Variants in PGM1 observed in about 807,000 individuals in gnomAD.
PGM1 encodes phosphoglucomutase 1.
A neutral mutation model predicts 55.6 loss-of-function variants in PGM1; 52 were observed. That is an observed-to-expected ratio of 0.94 (90% CI 0.75 to 1.18). PGM1 has a LOEUF of 1.18. PGM1 is among the 50% of genes most tolerant of loss of function. The pLI, the probability that PGM1 is intolerant of heterozygous loss-of-function variation, is 0.00. For synonymous variants in PGM1, 287 were observed against 271.7 expected, an observed-to-expected ratio of 1.06 and a Z score of -0.55; for missense variants, 724 against 729.3, an observed-to-expected ratio of 0.99 and a Z score of 0.08.
At chr1:63,594,224 C>T (rs1180196427) in intron 1 of PGM1, 13 of 770,994 alleles carry the variant, frequency 1.7e-5, no homozygotes, top group African/African-American at 3.8e-5. Context: ...ACTGGCGCTT[C>T]CCGCTGGCTC....
chr1:63,616,881 A>C (rs140139488), intron 1 of PGM1, among the ~76,000 whole-genome samples: 45 of 152,340 alleles, frequency 3.0e-4, no homozygotes, highest in African/African-American at 1.0e-3. Flanking sequence ...ACTAAAATGC[A>C]CATAGCCAAT....
At position 63,659,657 on chromosome 1, in the gene PGM1, A is replaced by T; in HGVS notation, c.1671A>T (p.Ala557=). 2 of 1,613,718 alleles carry T rather than the reference A, an allele frequency of 1.2e-6. No individual in the cohort carries two copies. Among genetic ancestry groups the T allele is most frequent in the South Asian group, 2.2e-5 (2 of 91,074 alleles). ...SQLQERTGRT[A]PTVIT is the part of the protein sequence containing the mutation. ...TGCAGGAGAGGACGGGACGCACTGC[A>T]CCCACTGTCATCACCTAAGAAGACA... Residue 557 remains alanine (A), a synonymous_variant, in exon 11 of 11, where the codon GCA becomes GCT. Coordinates refer to ENST00000371084, the MANE Select transcript of PGM1 (RefSeq NM_002633.3).
rs766599530 is a variant in PGM1 at position 63,657,258 on chromosome 1, C to T, written c.1600-2328C>T. On this transcript the variant is annotated intron_variant, in intron 10 of 10. Transcript: ENST00000371084. ...TGGTTTTGAGCAAAGTTAAAGAGAT[C>T]TTGTTTTAAATTCTATTCCTGCCAC... 7.5e-4 allele frequency among the ~76,000 whole-genome samples: 114 copies of T among 152,176 alleles called. 2 individuals are homozygous for T. Among genetic ancestry groups the T allele is most frequent in the Admixed American group, 4.2e-3 (64 of 15,282 alleles).
chr1:63,601,659 C>T (rs961392691), intron 1 of PGM1, among the ~76,000 whole-genome samples: 3 of 152,180 alleles, frequency 2.0e-5, no homozygotes, highest in African/African-American at 7.2e-5. Context: ...CTTTTCTCCC[C>T]TGGGGTCCTC....
intron 1 of PGM1, among the ~76,000 whole-genome samples, chr1:63,628,393 G>A (rs3819907): frequency 0.13 from 20,365 of 152,086 alleles, 1,389 homozygotes; most frequent in African/African-American, 0.17. Context: ...GTAGTGGAGT[G>A]GTTGACGGTT....
chr1:63,608,594 C>T (rs559688630), intron 1 of PGM1, among the ~76,000 whole-genome samples: 1 of 152,178 alleles, frequency 6.6e-6, no homozygotes, highest in Non-Finnish European at 1.5e-5. Context: ...TAGGTTATAC[C>T]ACCTCCATGG....
intron 6 of PGM1, 148 bp from the exon 7 acceptor site, chr1:63,638,537 T>C (rs550876035): frequency 1.1e-5 from 8 of 720,904 alleles, no homozygotes; most frequent in African/African-American, 3.5e-5. Context: ...GTTTCTCTTA[T>C]GATTTTCCAC....
chr1:63,638,721 C>T lies in PGM1; in HGVS notation c.1065C>T (p.Thr355=), dbSNP rs773677629. 32 of 1,613,830 alleles carry T rather than the reference C, an allele frequency of 2.0e-5. No homozygotes were observed. Among genetic ancestry groups the T allele is most frequent in the Non-Finnish European group, 2.5e-5 (30 of 1,179,916 alleles). Residue 355 remains threonine (T), a synonymous_variant, in exon 7 of 11, where the codon ACC becomes ACT. Transcript: ENST00000371084. ...ASATKIALYE[T]PTGWKFFGNL... The stretch of plus-strand genomic sequence containing the variant: ...CTACAAAGATTGCTTTGTATGAGAC[C>T]CCAACTGGCTGGAAGTTTTTTGGGA...
intron 10 of PGM1, among the ~76,000 whole-genome samples, chr1:63,658,039 C>A (rs1481412736): frequency 6.6e-6 from 1 of 152,230 alleles, no homozygotes; most frequent in Non-Finnish European, 1.5e-5. Flanking sequence ...GAGGTTCCCA[C>A]AATGCCCAGG....
rs1470469823 is a variant in PGM1 at position 63,593,735 on chromosome 1, G to A, written c.246+1G>A. The A allele has an allele frequency of 3.1e-6, 5 of 1,592,750 alleles. No individual in the cohort carries two copies. Among genetic ancestry groups the A allele is most frequent in the South Asian group, 1.1e-5 (1 of 88,948 alleles). On this transcript the variant is annotated splice_donor_variant, in intron 1 of 10. Transcript: ENST00000371084. LOFTEE classifies it high-confidence loss of function. ...CGCTCGCATCGCTGCCGCCAACGGG[G>A]TAAGGGATGCGCGGCCCCGCGCCGC...
At chr1:63,599,452 C>T (rs1204820123) in intron 1 of PGM1, among the ~76,000 whole-genome samples, 1 of 151,970 alleles carries the variant, frequency 6.6e-6, no homozygotes, top group Admixed American at 6.6e-5. Context: ...GCGTGAGCCA[C>T]CACACCCGGC....
intron 9 of PGM1, 108 bp from the exon 10 acceptor site, chr1:63,654,224 C>A: frequency 8.9e-7 from 1 of 1,119,412 alleles, no homozygotes; most frequent in Non-Finnish European, 1.4e-6. Context: ...TTTAACCCTC[C>A]AATGAACAAG....
intron 1 of PGM1, among the ~76,000 whole-genome samples, chr1:63,614,577 G>A (rs949998070): frequency 6.6e-6 from 1 of 152,196 alleles, no homozygotes; most frequent in Admixed American, 6.5e-5. Flanking sequence ...TAGCATGATA[G>A]TTACATGTCT....
chr1:63,605,623 G>A (rs1254726408), intron 1 of PGM1, among the ~76,000 whole-genome samples: 1 of 151,794 alleles, frequency 6.6e-6, no homozygotes, highest in Non-Finnish European at 1.5e-5. Context: ...TGCCATCCAG[G>A]CTGAGTGCAG....
rs1649138560 is a variant in PGM1, at chr1:63,629,600, T to C, written c.409+13T>C. 1 of 1,612,432 alleles carries C rather than the reference T, an allele frequency of 6.2e-7. No individual in the cohort carries two copies. The highest frequency in any genetic ancestry group is 1.7e-5 in the Admixed American group (1 of 59,996). ...ATTTCTAATGGAGGTGAGTTTGCTG[T>C]CATTTTGAGGACAGGTAAGTTTACA... On this transcript the variant is annotated intron_variant, in intron 2 of 10. Coordinates refer to ENST00000371084, the MANE Select transcript of PGM1 (RefSeq NM_002633.3).
chr1:63,614,016 T>G (rs1648643247), intron 1 of PGM1, among the ~76,000 whole-genome samples: 2 of 152,226 alleles, frequency 1.3e-5, no homozygotes, highest in African/African-American at 4.8e-5. Flanking sequence ...GTGTAACTTC[T>G]TTAATCCTCA....
intron 8 of PGM1, among the ~76,000 whole-genome samples, chr1:63,649,616 C>T (rs1286028959): frequency 2.0e-5 from 3 of 152,118 alleles, no homozygotes; most frequent in Non-Finnish European, 4.4e-5. Context: ...TTTTATAGTC[C>T]GTGATCTCTG....
chr1:63,597,798 G>A (rs1648124096), intron 1 of PGM1, among the ~76,000 whole-genome samples: 1 of 152,150 alleles, frequency 6.6e-6, no homozygotes, highest in Non-Finnish European at 1.5e-5. Context: ...ATGTGTGCAT[G>A]TTTTGAAGGA....
intron 7 of PGM1, among the ~76,000 whole-genome samples, 153 bp downstream of exon 7, chr1:63,638,953 A>G (rs1251257036): frequency 4.0e-5 from 6 of 150,522 alleles, no homozygotes; most frequent in African/African-American, 1.5e-4. Flanking sequence ...TGAAATGTGC[A>G]CATTTGAAAA....
Sources: allele counts gnomAD v4.1 joint callset (sites outside exome capture counted in the v4.1 genomes callset), GRCh38; gene constraint gnomAD v4.1.1; transcripts MANE v1.5; gene names NCBI Gene and HGNC (gene_info 2026-07-23, HGNC 2026-07-21).